The following TRIP10 variants were observed in gnomAD, a reference collection of about 807,000 sequenced individuals.
TRIP10 encodes cdc42-interacting protein 4.
A neutral mutation model predicts 80.9 loss-of-function variants in TRIP10; 54 were observed. The observed-to-expected ratio is 0.67, with a 90% CI of 0.54 to 0.84. The LOEUF is 0.84. TRIP10 is among the 40% of genes least tolerant of loss of function. TRIP10 has a pLI of 0.00. For synonymous variants in TRIP10, 321 were observed against 307.2 expected, an observed-to-expected ratio of 1.04 and a Z score of -0.47; for missense variants, 773 against 815.3, an observed-to-expected ratio of 0.95 and a Z score of 0.63.
intron 2 of TRIP10, 41 bp downstream of exon 2, chr19:6,741,166 G>A: frequency 6.2e-7 from 1 of 1,613,764 alleles, no homozygotes. Context: ...CGCGCCTGGG[G>A]CGACGGGGAG....
Position 6,745,058 on chromosome 19 carries a change from CT to C in TRIP10, c.984+65del. The C allele has an allele frequency of 2.6e-6, 4 of 1,540,620 alleles. No individual in the cohort carries two copies. Among genetic ancestry groups the C allele is most frequent in the Non-Finnish European group, 3.5e-6 (4 of 1,144,536 alleles). On this transcript the variant is annotated intron_variant, in intron 9 of 14. Coordinates refer to ENST00000313244, the MANE Select transcript of TRIP10 (RefSeq NM_001288962.2). The surrounding 1 kb of genome is among the most constrained non-coding windows in gnomAD (Gnocchi z 7.2). ...CAGTGAAGTGGGGACAGTGGGGCCCCTATTGAGTCAGCCCCAGCCGCCTGAA... is the reference window on the plus strand; with the variant it reads ...CAGTGAAGTGGGGACAGTGGGGCCCCATTGAGTCAGCCCCAGCCGCCTGAA...
rs1968910543 is a variant in TRIP10 at position 6,741,234 on chromosome 19, G to A, written c.150G>A (p.Val50=). The change falls in exon 3 of 15, where the codon GTG becomes GTA. Residue 50 remains valine (V), a synonymous_variant. Transcript: ENST00000313244. ...CTCTGTCTCCCCTTAGGAGCCTGGT[G>A]AAAAAATATCTGCCCAAGAGACCTG... ...QAYAKQLRSL[V]KKYLPKRPAK... is the part of the protein sequence containing the mutation. 1 of 1,612,136 alleles carries A rather than the reference G, an allele frequency of 6.2e-7. No homozygotes were observed. Among genetic ancestry groups the A allele is most frequent in the South Asian group, 1.1e-5 (1 of 90,886 alleles).
chr19:6,741,023 T>G lies in TRIP10; in HGVS notation c.38T>G (p.Val13Gly). The change falls in exon 2 of 15, where the codon GTG becomes GGG. Residue 13 changes from valine (V) to glycine (G), a missense_variant. Val to Gly is a moderately radical substitution (Grantham distance 109, BLOSUM62 -3). Coordinates refer to ENST00000313244, the MANE Select transcript of TRIP10 (RefSeq NM_001288962.2). ...GTCCCATGTCAGGATCAGTTCGAGGTGCTCGAGCGCCACACGCAGTGGGGG... is the reference window on the plus strand; with the variant it reads ...GTCCCATGTCAGGATCAGTTCGAGGGGCTCGAGCGCCACACGCAGTGGGGG... ...WGTELWDQFE[V>G]LERHTQWGLD... 6.2e-7 allele frequency: 1 copy of G among 1,613,632 alleles called. No individual in the cohort carries two copies.
chr19:6,750,143 G>GGGGGGGGGGGGGGGA, intron 12 of TRIP10, 77 bp downstream of exon 12: 1 of 842,272 alleles, frequency 1.2e-6, no homozygotes, highest in Non-Finnish European at 1.9e-6. Flanking sequence ...GGGGGTCGGG[G>GGGGGGGGGGGGGGGA]ACAGGGGAGG....
Position 6,743,200 on chromosome 19 carries a change from C to T in TRIP10, c.352C>T (p.Gln118Ter). 1.9e-6 allele frequency: 3 copies of T among 1,614,172 alleles called. No homozygotes were observed. Among genetic ancestry groups the T allele is most frequent in the Non-Finnish European group, 2.5e-6 (3 of 1,180,024 alleles). The change falls in exon 5 of 15, where the codon CAA becomes TAA. Residue 118 changes from glutamine (Q) to a stop codon, truncating the protein, a stop_gained. Coordinates refer to ENST00000313244, the MANE Select transcript of TRIP10 (RefSeq NM_001288962.2). LOFTEE classifies it high-confidence loss of function. ...ATCACTCTTCTTTCTGTAGCACTTC[C>T]AAGAAGGGCGGCGGGCCCAGCAGCA... is the stretch of plus-strand genomic sequence containing the variant. ...EMKQERKMHF[Q>*]EGRRAQQQLE...
chr19:6,744,534 C>A lies in TRIP10; in HGVS notation c.643-20C>A. Reference sequence around the variant, plus strand: ...CCCTCTGTTAGCACCCCTGAGCCACCCTTGTCCCTGTCCTTACAGAAGCTC... The same window carrying A: ...CCCTCTGTTAGCACCCCTGAGCCACACTTGTCCCTGTCCTTACAGAAGCTC... On this transcript the variant is annotated intron_variant, in intron 7 of 14. Transcript: ENST00000313244. This position sits in a 1 kb window ranked among gnomAD's most constrained non-coding sequence, Gnocchi z 4.9. 1 of 1,613,704 alleles carries A rather than the reference C, an allele frequency of 6.2e-7. No homozygotes were observed. Among genetic ancestry groups the A allele is most frequent in the Non-Finnish European group, 8.5e-7 (1 of 1,179,958 alleles).
Position 6,743,834 on chromosome 19 carries a change from G to T in TRIP10, c.640G>T (p.Asp214Tyr). Residue 214 changes from aspartate (D) to tyrosine (Y), a missense_variant and splice_region_variant, in exon 7 of 15, where the codon GAT becomes TAT. Coordinates refer to ENST00000313244, the MANE Select transcript of TRIP10 (RefSeq NM_001288962.2). ...FYFSQMPQIF[D>Y]KLQDMDERRA... ...TTTTTCACAGATGCCCCAGATATTC[G>T]ATGTGAGTGCTCCCAGTTCTCAGAC... 4 of 1,613,598 alleles carry T rather than the reference G, an allele frequency of 2.5e-6. No homozygotes were observed. The highest frequency in any genetic ancestry group is 3.4e-6 in the Non-Finnish European group (4 of 1,179,908).
At chr19:6,740,149 C>G (rs1035573068) in intron 1 of TRIP10, among the ~76,000 whole-genome samples, 12 of 152,306 alleles carry the variant, frequency 7.9e-5, no homozygotes, top group Admixed American at 7.8e-4. Flanking sequence ...GCCTGTCCGG[C>G]TAGGAGGGGG....
Position 6,745,706 on chromosome 19 carries a change from C to G in TRIP10, c.985-323C>G, listed in dbSNP as rs774473723. ...TGCCTCCTGGACCCATGCTTGCTCCCGGACATAACATTCCAGAGACCTAGG... is the reference window on the plus strand; with the variant it reads ...TGCCTCCTGGACCCATGCTTGCTCCGGGACATAACATTCCAGAGACCTAGG... On this transcript the variant is annotated intron_variant, in intron 9 of 14. Transcript: ENST00000313244. This position sits in a 1 kb window ranked among gnomAD's most constrained non-coding sequence, Gnocchi z 7.2. 3 of 985,138 alleles carry G rather than the reference C, an allele frequency of 3.0e-6. No homozygotes were observed. The highest frequency in any genetic ancestry group is 6.2e-5 in the Admixed American group (1 of 16,250). The allele number at this position is 985,138 out of a possible 1,614,324, so 61.0% of individuals were successfully genotyped here. A position where few individuals can be genotyped will look rare whatever the true frequency, so the allele number is the denominator to read the frequency against.
At chr19:6,740,784 G>T (rs928631943) in intron 1 of TRIP10, 6 of 545,478 alleles carry the variant, frequency 1.1e-5, no homozygotes, top group Non-Finnish European at 1.3e-5. Context: ...TCCCGGCCGG[G>T]GTGGCTGGGG....
In TRIP10 at chr19:6,751,491, A is replaced by C. The variant is rs1249984371; in HGVS notation, c.*280A>C. 3 of 689,824 alleles carry C rather than the reference A, an allele frequency of 4.3e-6. No individual in the cohort carries two copies. Among genetic ancestry groups the C allele is most frequent in the African/African-American group, 3.7e-5 (2 of 53,520 alleles). 42.7% of individuals were successfully genotyped at this position (689,824 alleles called of 1,614,324 possible). ...TGTTTTATACAAAAATGGGAAAAAAAAAAAAGAAATTATATAAAGTTCCTA... is the reference window on the plus strand; with the variant it reads ...TGTTTTATACAAAAATGGGAAAAAACAAAAAGAAATTATATAAAGTTCCTA... On this transcript the variant is annotated 3_prime_UTR_variant, in exon 15 of 15. Coordinates refer to ENST00000313244, the MANE Select transcript of TRIP10 (RefSeq NM_001288962.2).
rs897114886 is a variant in TRIP10 at position 6,746,906 on chromosome 19, G to T, written c.1262+345G>T. 1.3e-5 allele frequency among the ~76,000 whole-genome samples: 2 copies of T among 152,218 alleles called. No homozygotes were observed. Among genetic ancestry groups the T allele is most frequent in the Non-Finnish European group, 2.9e-5 (2 of 68,044 alleles). On this transcript the variant is annotated intron_variant, in intron 11 of 14. Coordinates refer to ENST00000313244, the MANE Select transcript of TRIP10 (RefSeq NM_001288962.2). This position sits in a 1 kb window ranked among gnomAD's most constrained non-coding sequence, Gnocchi z 6.2. ...GATCTGCCTGCCTCAGCCTCCCATA[G>T]TGCTGGGATTATAGGCATGAGCCAC... is the stretch of plus-strand genomic sequence containing the variant.
intron 11 of TRIP10, among the ~76,000 whole-genome samples, chr19:6,749,307 G>A (rs554086621): frequency 8.5e-5 from 13 of 152,178 alleles, no homozygotes; most frequent in East Asian, 3.9e-4. Flanking sequence ...ATATGTATAT[G>A]AGTAATAGTG....
intron 11 of TRIP10, among the ~76,000 whole-genome samples, chr19:6,749,404 G>A (rs999848667): frequency 4.8e-4 from 73 of 152,296 alleles, no homozygotes; most frequent in African/African-American, 1.7e-3. Context: ...TCCAAAATAA[G>A]CAAACAGCAG....
rs1426281710 is a variant in TRIP10, at chr19:6,744,686, G to C, written c.775G>C (p.Val259Leu). ...LEGMKVAANA[V>L]DPKNDSHVLI... ...GGGCATGAAGGTGGCTGCAAATGCT[G>C]TGGATCCCAAGAACGTGGGTGCCTG... Residue 259 changes from valine (V) to leucine (L), a missense_variant, in exon 8 of 15, where the codon GTG becomes CTG. Physicochemically the swap from Val to Leu is conservative, Grantham distance 32 (BLOSUM62 1). Coordinates refer to ENST00000313244, the MANE Select transcript of TRIP10 (RefSeq NM_001288962.2). This position sits in a 1 kb window ranked among gnomAD's most constrained non-coding sequence, Gnocchi z 4.9. 6.9e-6 allele frequency: 11 copies of C among 1,603,788 alleles called. No homozygotes were observed. The highest frequency in any genetic ancestry group is 8.5e-6 in the Non-Finnish European group (10 of 1,174,084).
chr19:6,741,235 A>G lies in TRIP10; in HGVS notation c.151A>G (p.Lys51Glu). The part of the protein sequence containing the change: ...AYAKQLRSLV[K>E]KYLPKRPAKD... ...TCTGTCTCCCCTTAGGAGCCTGGTG[A>G]AAAAATATCTGCCCAAGAGACCTGC... The change falls in exon 3 of 15, where the codon AAA becomes GAA. Residue 51 changes from lysine (K) to glutamate (E), a missense_variant. Coordinates refer to ENST00000313244, the MANE Select transcript of TRIP10 (RefSeq NM_001288962.2). The G allele has an allele frequency of 6.2e-7, 1 of 1,612,222 alleles. No individual in the cohort carries two copies. Among genetic ancestry groups the G allele is most frequent in the Non-Finnish European group, 8.5e-7 (1 of 1,179,132 alleles).
Position 6,751,414 on chromosome 19 carries a change from T to TACA in TRIP10, c.*204_*206dup. 8.1e-7 allele frequency: 1 copy of TACA among 1,239,094 alleles called. No homozygotes were observed. Among genetic ancestry groups the TACA allele is most frequent in the Non-Finnish European group, 1.0e-6 (1 of 958,058 alleles). The allele number at this position is 1,239,094 out of a possible 1,614,324, so 76.8% of individuals were successfully genotyped here. A position where few individuals can be genotyped will look rare whatever the true frequency, so the allele number is the denominator to read the frequency against. ...TTCTACCATCGTTCCACCATTGATGTACATACTCATGTTTTACATCTTTTC... is the reference window on the plus strand; with the variant it reads ...TTCTACCATCGTTCCACCATTGATGTACAACATACTCATGTTTTACATCTTTTC... On this transcript the variant is annotated 3_prime_UTR_variant, in exon 15 of 15. Transcript: ENST00000313244.
In TRIP10 at chr19:6,751,408, TTGATGTACATACTCATGTTTTACA is replaced by T; in HGVS notation, c.*199_*222del. ...TGTGCCTTCTACCATCGTTCCACCA[TTGATGTACATACTCATGTTTTACA>T]TCTTTTCTTTCTGCCGCTCGGCTCC... is the stretch of plus-strand genomic sequence containing the variant. On this transcript the variant is annotated 3_prime_UTR_variant, in exon 15 of 15. Transcript: ENST00000313244. The T allele has an allele frequency of 7.8e-7, 1 of 1,286,632 alleles. No individual in the cohort carries two copies. The highest frequency in any genetic ancestry group is 2.1e-5 in the South Asian group (1 of 47,758). The allele number at this position is 1,286,632 out of a possible 1,614,324, so 79.7% of individuals were successfully genotyped here. A position where few individuals can be genotyped will look rare whatever the true frequency, so the allele number is the denominator to read the frequency against.
chr19:6,744,375 C>T lies in TRIP10; in HGVS notation c.643-179C>T, dbSNP rs549010803. On this transcript the variant is annotated intron_variant, in intron 7 of 14. Transcript: ENST00000313244. This position sits in a 1 kb window ranked among gnomAD's most constrained non-coding sequence, Gnocchi z 4.9. Reference sequence around the variant, plus strand: ...GCGTCCCCCTCTGAGATCCCCCTGGCCCTGTGTCTCTTCCCCAACCACAGT... The same window carrying T: ...GCGTCCCCCTCTGAGATCCCCCTGGTCCTGTGTCTCTTCCCCAACCACAGT... 6.6e-6 allele frequency among the ~76,000 whole-genome samples: 1 copy of T among 152,324 alleles called. No individual in the cohort carries two copies. Among genetic ancestry groups the T allele is most frequent in the Admixed American group, 6.5e-5 (1 of 15,304 alleles).
Sources: allele counts gnomAD v4.1 joint callset (sites outside exome capture counted in the v4.1 genomes callset), GRCh38; gene constraint gnomAD v4.1.1; non-coding constraint Gnocchi (gnomAD v3.1); transcripts MANE v1.5; gene names NCBI Gene and HGNC (gene_info 2026-07-23, HGNC 2026-07-21).